Variants in COMMD1 observed in about 807,000 individuals in gnomAD.
The protein encoded by COMMD1 is COMM domain-containing protein 1.
In COMMD1, 10 loss-of-function variants were observed where a neutral mutation model predicts 17.2. That is an observed-to-expected ratio of 0.58 (90% confidence interval 0.36 to 0.99). COMMD1 has a LOEUF of 0.99. COMMD1 is among the 50% of genes least tolerant of loss of function. COMMD1 has a pLI of 0.01. For synonymous variants in COMMD1, 97 were observed against 91.6 expected (o/e 1.06, Z -0.34); for missense variants, 270 against 231.8 (o/e 1.17, Z -1.07).
chr2:62,128,335 GAA>G (rs55646038), intron 2 of COMMD1, among the ~76,000 whole-genome samples: 2 of 124,134 alleles, frequency 1.6e-5, no homozygotes. Flanking sequence ...CTAAAAAAAA[GAA>G]AAAAAAAAAA....
At chr2:62,063,210 C>T (rs113001359) in intron 2 of COMMD1, among the ~76,000 whole-genome samples, 11,949 of 151,994 alleles carry the variant, frequency 0.079, 1,073 homozygotes, top group African/African-American at 0.22. Context: ...AGCAGGACTC[C>T]GTCTCAAAAA....
intron 1 of COMMD1, among the ~76,000 whole-genome samples, chr2:61,958,290 A>C (rs1671247046): frequency 7.0e-6 from 1 of 142,830 alleles, no homozygotes; most frequent in Admixed American, 7.0e-5. Context: ...TTTTGAGATG[A>C]AGTTTTGCTC....
intron 1 of COMMD1, among the ~76,000 whole-genome samples, chr2:61,894,382 G>A (rs935241679): frequency 4.1e-4 from 62 of 151,818 alleles, no homozygotes; most frequent in Admixed American, 3.9e-3. Context: ...GATTACAGGC[G>A]TGAGTCACCA....
rs186375857 is a variant in COMMD1 at position 62,048,177 on chromosome 2, A to C, written c.462+47195A>C. 3.3e-3 allele frequency among the ~76,000 whole-genome samples: 477 copies of C among 146,336 alleles called. 2 individuals are homozygous for C. Among genetic ancestry groups the C allele is most frequent in the Non-Finnish European group, 4.8e-3 (324 of 67,390 alleles). On this transcript the variant is annotated intron_variant, in intron 2 of 2. Transcript: ENST00000311832. The stretch of plus-strand genomic sequence containing the variant: ...TTAAGTTGATGTGAATGAGGAACTA[A>C]ATTTCTTTTTTTTTTTTTTTTTTGA...
At chr2:62,122,258 A>G (rs1275853202) in intron 2 of COMMD1, among the ~76,000 whole-genome samples, 1 of 152,218 alleles carries the variant, frequency 6.6e-6, no homozygotes, top group African/African-American at 2.4e-5. Flanking sequence ...ACGTAAATCA[A>G]TACGGAATCA....
At position 61,934,628 on chromosome 2, in the gene COMMD1, G is replaced by A. The variant is rs576256408; in HGVS notation, c.180+28770G>A. Among the ~76,000 whole-genome samples the A allele has an allele frequency of 4.6e-5, 7 of 152,224 alleles. 1 individual carries two copies. The South Asian group carries it at 1.2e-3, about 27-fold the overall frequency. ...ATGAAAAAATTTCAATTAATTCAAT[G>A]GTAGGCTGTCATGAAAACAAAACAG... On this transcript the variant is annotated intron_variant, in intron 1 of 2. Transcript: ENST00000311832.
At chr2:62,104,658 TAAC>T (rs1672278814) in intron 2 of COMMD1, among the ~76,000 whole-genome samples, 1 of 114,088 alleles carries the variant, frequency 8.8e-6, no homozygotes, top group African/African-American at 3.7e-5. Flanking sequence ...AAAAAAACAA[TAAC>T]AACAACAAAC....
In COMMD1 at chr2:61,979,564, G is replaced by A. The variant is rs541000343; in HGVS notation, c.181-21137G>A. On this transcript the variant is annotated intron_variant, in intron 1 of 2. Coordinates refer to ENST00000311832, the MANE Select transcript of COMMD1 (RefSeq NM_152516.4). ...CCAAAAGAAACAAAATCAGGATATC[G>A]AAGAGATATCTGCACTCCCATGTGA... is the stretch of plus-strand genomic sequence containing the variant. Among the ~76,000 whole-genome samples the A allele has an allele frequency of 7.2e-5, 11 of 152,172 alleles. 3 individuals carry two copies. Among genetic ancestry groups the A allele is most frequent in the African/African-American group, 2.4e-4 (10 of 41,542 alleles).
At chr2:61,905,565 G>C, upstream of COMMD1, 1 of 1,076,504 alleles carries the variant, frequency 9.3e-7, no homozygotes, top group Non-Finnish European at 1.3e-6. Flanking sequence ...GGGAAGCCTT[G>C]CCTCCAGGTT....
At chr2:61,930,070 G>C (rs1328399225) in intron 1 of COMMD1, among the ~76,000 whole-genome samples, 3 of 152,080 alleles carry the variant, frequency 2.0e-5, no homozygotes, top group African/African-American at 7.2e-5. Context: ...CCAGATTTAT[G>C]AAAAGTCCAG....
chr2:62,068,694 G>A (rs1398504690), intron 2 of COMMD1, among the ~76,000 whole-genome samples: 1 of 147,158 alleles, frequency 6.8e-6, no homozygotes, highest in Non-Finnish European at 1.5e-5. Context: ...GCGCGATCTC[G>A]GCTCACTGTA....
In COMMD1 at chr2:62,055,012, G is replaced by A. The variant is rs993560429; in HGVS notation, c.462+54030G>A. ...GGTGATGCTACTAGCACTGGGGAGCGGCTACAAATACAGATTAACATTGGC... is the reference window on the plus strand; with the variant it reads ...GGTGATGCTACTAGCACTGGGGAGCAGCTACAAATACAGATTAACATTGGC... On this transcript the variant is annotated intron_variant, in intron 2 of 2. Transcript: ENST00000311832. Among the ~76,000 whole-genome samples the A allele has an allele frequency of 7.2e-5, 11 of 152,080 alleles. No individual in the cohort carries two copies. In the East Asian group the frequency reaches 1.5e-3, roughly 21 times the overall value.
chr2:61,958,410 G>A (rs1180507610), intron 1 of COMMD1, among the ~76,000 whole-genome samples: 2 of 152,066 alleles, frequency 1.3e-5, no homozygotes, highest in Admixed American at 6.6e-5. Flanking sequence ...GGGATTACAG[G>A]CATGTGCCAT....
At chr2:62,042,689 C>A (rs989988937) in intron 2 of COMMD1, among the ~76,000 whole-genome samples, 3 of 152,228 alleles carry the variant, frequency 2.0e-5, no homozygotes, top group African/African-American at 7.2e-5. Flanking sequence ...TCGAGCGCAG[C>A]CAGAGCGGAT....
At chr2:62,113,445 G>A (rs1472487610) in intron 2 of COMMD1, among the ~76,000 whole-genome samples, 1 of 152,108 alleles carries the variant, frequency 6.6e-6, no homozygotes, top group Non-Finnish European at 1.5e-5. Context: ...GTCTCGCTCT[G>A]TCACCCAGGC....
intron 1 of COMMD1, among the ~76,000 whole-genome samples, chr2:61,941,046 T>C (rs28834117): frequency 2.3e-4 from 35 of 150,152 alleles, no homozygotes; most frequent in African/African-American, 8.4e-4. Flanking sequence ...AACCCCCCCT[T>C]TTTTTTTGGG....
chr2:61,905,565 G>A, upstream of COMMD1: 2 of 1,076,504 alleles, frequency 1.9e-6, no homozygotes, highest in Non-Finnish European at 2.6e-6. Context: ...GGGAAGCCTT[G>A]CCTCCAGGTT....
At chr2:62,122,121 T>G (rs946079197) in intron 2 of COMMD1, among the ~76,000 whole-genome samples, 1 of 152,232 alleles carries the variant, frequency 6.6e-6, no homozygotes, top group African/African-American at 2.4e-5. Flanking sequence ...AGCCCTTTAA[T>G]GCATGAGAAA....
At chr2:62,034,101 A>AG (rs1355984210) in intron 2 of COMMD1, among the ~76,000 whole-genome samples, 1 of 151,604 alleles carries the variant, frequency 6.6e-6, no homozygotes, top group African/African-American at 2.4e-5. Flanking sequence ...AAAAAAAAAA[A>AG]AAAAAAAAAA....
Sources: allele counts gnomAD v4.1 joint callset (sites outside exome capture counted in the v4.1 genomes callset), GRCh38; gene constraint gnomAD v4.1.1; transcripts MANE v1.5; gene names NCBI Gene and HGNC (gene_info 2026-07-23, HGNC 2026-07-21).